SYT1: variants seen among roughly 807,000 people sequenced by gnomAD.
SYT1 encodes the protein synaptotagmin-1.
In SYT1, 8 loss-of-function variants were observed where a neutral mutation model predicts 44.8. The observed-to-expected ratio is 0.18, with a 90% CI of 0.10 to 0.32. SYT1 has a LOEUF of 0.32. Ranked by LOEUF, SYT1 falls within the 10% of genes least tolerant of loss-of-function variation. SYT1 has a pLI of 1.00. For missense variants in SYT1, 286 were observed against 509.3 expected (o/e 0.56, Z 4.22); for synonymous variants, 154 against 188.8 (o/e 0.82, Z 1.51).
At chr12:78,873,714 C>T (rs1873933006) in intron 1 of SYT1, among the ~76,000 whole-genome samples, 1 of 151,652 alleles carries the variant, frequency 6.6e-6, no homozygotes, top group African/African-American at 2.4e-5. Context: ...GCTGTTCCTT[C>T]ACATAACATT....
intron 9 of SYT1, among the ~76,000 whole-genome samples, chr12:79,436,452 C>A (rs1245699934): frequency 1.3e-5 from 2 of 152,090 alleles, no homozygotes; most frequent in Non-Finnish European, 2.9e-5. Flanking sequence ...CAGGAGCCCA[C>A]GGTCACTGTA....
intron 1 of SYT1, among the ~76,000 whole-genome samples, chr12:78,895,430 G>A (rs188482838): frequency 0.081 from 12,213 of 151,480 alleles, 568 homozygotes; most frequent in African/African-American, 0.13. Context: ...CACATAATAA[G>A]CAGACTAAAG....
intron 3 of SYT1, among the ~76,000 whole-genome samples, chr12:79,153,681 A>T (rs1241054544): frequency 2.6e-5 from 4 of 152,136 alleles, no homozygotes; most frequent in Non-Finnish European, 5.9e-5. Flanking sequence ...GACTTCATAG[A>T]TGATAATCTC....
chr12:78,889,302 C>T (rs1874917806), intron 1 of SYT1, among the ~76,000 whole-genome samples: 1 of 151,840 alleles, frequency 6.6e-6, no homozygotes, highest in African/African-American at 2.4e-5. Context: ...CTTATAGCTC[C>T]AATCACGTTA....
chr12:79,404,174 C>A (rs1271115595), intron 9 of SYT1, among the ~76,000 whole-genome samples: 1 of 152,084 alleles, frequency 6.6e-6, no homozygotes, highest in Non-Finnish European at 1.5e-5. Context: ...GCTAATATAT[C>A]AAATACCAGA....
chr12:78,949,702 G>A (rs1175019287), intron 1 of SYT1, among the ~76,000 whole-genome samples: 2 of 151,952 alleles, frequency 1.3e-5, no homozygotes, highest in Admixed American at 1.3e-4. Context: ...TTTTGAGTGA[G>A]AAAATATGAC....
intron 2 of SYT1, among the ~76,000 whole-genome samples, chr12:78,982,809 A>G (rs1258693486): frequency 1.3e-5 from 2 of 152,086 alleles, no homozygotes; most frequent in Admixed American, 1.3e-4. Flanking sequence ...TGAGTTTCCA[A>G]TCAATCTATT....
At chr12:79,430,206 C>T (rs530006603) in intron 9 of SYT1, among the ~76,000 whole-genome samples, 1 of 152,292 alleles carries the variant, frequency 6.6e-6, no homozygotes, top group South Asian at 2.1e-4. Context: ...CTTGTTTGTA[C>T]TCCCTGACTA....
chr12:79,043,997 C>T (rs1419800846), intron 2 of SYT1, among the ~76,000 whole-genome samples: 5 of 152,210 alleles, frequency 3.3e-5, no homozygotes, highest in African/African-American at 1.2e-4. Context: ...GAGAGATCCG[C>T]TGTTAGTCTG....
At chr12:79,264,106 A>G (rs1303815945) in intron 4 of SYT1, among the ~76,000 whole-genome samples, 1 of 152,090 alleles carries the variant, frequency 6.6e-6, no homozygotes, top group Non-Finnish European at 1.5e-5. Context: ...TTGGGCAGTC[A>G]TATTATTTTC....
intron 2 of SYT1, among the ~76,000 whole-genome samples, chr12:79,017,562 T>A (rs1163259097): frequency 6.6e-6 from 1 of 152,104 alleles, no homozygotes; most frequent in Non-Finnish European, 1.5e-5. Flanking sequence ...ATGTGTGTGA[T>A]ACAAAATTAG....
chr12:78,962,766 A>G (rs904731980), intron 1 of SYT1, among the ~76,000 whole-genome samples: 3 of 151,304 alleles, frequency 2.0e-5, no homozygotes, highest in African/African-American at 7.3e-5. Context: ...TGTTTCCCTG[A>G]AATCTACTCA....
chr12:79,122,124 TA>T (rs1449794926), intron 3 of SYT1, among the ~76,000 whole-genome samples: 1 of 152,234 alleles, frequency 6.6e-6, no homozygotes, highest in Non-Finnish European at 1.5e-5. Flanking sequence ...ACATCTTGAG[TA>T]AACTCTCATT....
At chr12:79,235,427 T>C (rs535281275) in intron 4 of SYT1, among the ~76,000 whole-genome samples, 2 of 152,172 alleles carry the variant, frequency 1.3e-5, no homozygotes, top group South Asian at 4.1e-4. Context: ...AATAATTTCA[T>C]GACCTTGATA....
chr12:79,194,047 C>T (rs188566602), intron 3 of SYT1, among the ~76,000 whole-genome samples: 70 of 152,188 alleles, frequency 4.6e-4, no homozygotes, highest in Non-Finnish European at 7.8e-4. Flanking sequence ...CACTGCAACT[C>T]GTATAAAATT....
At chr12:78,965,217 T>C (rs1167161044) in intron 1 of SYT1, among the ~76,000 whole-genome samples, 1 of 152,194 alleles carries the variant, frequency 6.6e-6, no homozygotes, top group Non-Finnish European at 1.5e-5. Flanking sequence ...ATATATTTCT[T>C]AAATAATACG....
Position 79,217,611 on chromosome 12 carries a change from G to C in SYT1, c.92G>C (p.Ser31Thr). ...CCAAGCAACGCCACAGAGCCAGCCA[G>C]TCCTGGAGAAGGAAAGGAAGATGCA... is the stretch of plus-strand genomic sequence containing the variant. ...VLPSNATEPA[S>T]PGEGKEDAFS... Residue 31 changes from serine (S) to threonine (T), a missense_variant, in exon 4 of 11, where the codon AGT becomes ACT. Around this residue, in one of 6 missense-constraint regions of SYT1, gnomAD observed 141 missense variants for 165.7 expected, o/e 0.85. Coordinates refer to ENST00000261205, the MANE Select transcript of SYT1 (RefSeq NM_005639.3). 2 of 1,613,290 alleles carry C rather than the reference G, an allele frequency of 1.2e-6. No homozygotes were observed. Among genetic ancestry groups the C allele is most frequent in the Non-Finnish European group, 1.7e-6 (2 of 1,179,660 alleles).
At chr12:79,023,149 G>A (rs1270442422) in intron 2 of SYT1, among the ~76,000 whole-genome samples, 1 of 151,772 alleles carries the variant, frequency 6.6e-6, no homozygotes, top group Non-Finnish European at 1.5e-5. Flanking sequence ...CAATGTGAGG[G>A]GCTAGAGTCT....
intron 1 of SYT1, among the ~76,000 whole-genome samples, chr12:78,913,735 G>A (rs940073885): frequency 6.6e-6 from 1 of 151,504 alleles, no homozygotes; most frequent in South Asian, 2.1e-4. Flanking sequence ...CACAATGGTG[G>A]GTACATGAAA....
Sources: allele counts gnomAD v4.1 joint callset (sites outside exome capture counted in the v4.1 genomes callset), GRCh38; gene constraint gnomAD v4.1.1; regional missense constraint gnomAD v4.1.1; transcripts MANE v1.5; gene names NCBI Gene and HGNC (gene_info 2026-07-23, HGNC 2026-07-21).